INO80: variants seen among roughly 807,000 people sequenced by gnomAD.
INO80 encodes INO80 complex ATPase subunit.
In INO80, 20 loss-of-function variants were observed where a neutral mutation model predicts 203.4. That is an observed-to-expected ratio of 0.10 (90% CI 0.07 to 0.14). The LOEUF is 0.14. Among genes scored for constraint, INO80 ranks in the 10% least tolerant of loss-of-function variants. The pLI is 1.00. For synonymous variants in INO80, 726 were observed against 685.2 expected, an observed-to-expected ratio of 1.06 and a Z score of -0.93; for missense variants, 1,419 against 1,914.4, an observed-to-expected ratio of 0.74 and a Z score of 4.83.
At chr15:41,058,481 C>G (rs998905489) in intron 16 of INO80, among the ~76,000 whole-genome samples, 158 bp downstream of exon 16, 2 of 151,754 alleles carry the variant, frequency 1.3e-5, no homozygotes, top group East Asian at 1.9e-4. Flanking sequence ...GGCAGCAAAG[C>G]GAGACCTTGT....
intron 27 of INO80, among the ~76,000 whole-genome samples, chr15:41,009,724 A>G (rs2044105559): frequency 6.6e-6 from 1 of 152,020 alleles, no homozygotes; most frequent in Non-Finnish European, 1.5e-5. Context: ...AGTAGTTGGA[A>G]CTATAGGCAT....
intron 1 of INO80, among the ~76,000 whole-genome samples, chr15:41,102,220 T>C (rs1191304348): frequency 3.3e-5 from 5 of 152,080 alleles, no homozygotes; most frequent in African/African-American, 1.2e-4. Context: ...ATGTCTTATG[T>C]CACTTATTAT....
intron 23 of INO80, among the ~76,000 whole-genome samples, chr15:41,046,937 A>AT (rs112368024): frequency 0.08 from 11,080 of 139,102 alleles, 1,140 homozygotes; most frequent in African/African-American, 0.25. Flanking sequence ...AAACTGTACT[A>AT]TTTTTTTTTT....
intron 23 of INO80, among the ~76,000 whole-genome samples, chr15:41,046,223 ATATATATAT>A (rs1566926593): frequency 8.0e-5 from 1 of 12,534 alleles, no homozygotes; most frequent in Non-Finnish European, 2.4e-4. Context: ...ATATATATAT[ATATATATAT>A]ATATATATAT....
At chr15:41,072,727 G>A (rs2045342891) in intron 11 of INO80, among the ~76,000 whole-genome samples, 2 of 149,446 alleles carry the variant, frequency 1.3e-5, no homozygotes, top group African/African-American at 4.9e-5. Flanking sequence ...ATTAAATAAC[G>A]TAGCAGTTTT....
chr15:41,097,736 A>G (rs1297288560), intron 1 of INO80, among the ~76,000 whole-genome samples: 2 of 152,102 alleles, frequency 1.3e-5, no homozygotes, highest in African/African-American at 4.8e-5. Context: ...AACCTCCCAA[A>G]GTGCTACGAT....
intron 5 of INO80, among the ~76,000 whole-genome samples, chr15:41,091,759 T>C (rs1344123829): frequency 6.7e-6 from 1 of 150,200 alleles, no homozygotes; most frequent in Non-Finnish European, 1.5e-5. Context: ...GTTCGAGCAA[T>C]TCTCCTGCCT....
In INO80 at chr15:41,070,604, C is replaced by A. The variant is rs904576865; in HGVS notation, c.1606-57G>T. ...ATGCATTTCATCAAATAAAGTTCAACCTGTTACCAAAAAGAACGACCAAGA... is the reference window on the plus strand; with the variant it reads ...ATGCATTTCATCAAATAAAGTTCAAACTGTTACCAAAAAGAACGACCAAGA... On this transcript the variant is annotated intron_variant, in intron 12 of 35. Coordinates refer to ENST00000648947, the MANE Select transcript of INO80 (RefSeq NM_017553.3). 2.1e-6 allele frequency: 3 copies of A among 1,402,940 alleles called. No individual in the cohort carries two copies. In the East Asian group the frequency reaches 6.9e-5, roughly 32 times the overall value. The allele number at this position is 1,402,940 out of a possible 1,614,324, so 86.9% of individuals were successfully genotyped here. A position where few individuals can be genotyped will look rare whatever the true frequency, so the allele number is the denominator to read the frequency against.
chr15:41,044,241 A>G (rs1292384780), intron 24 of INO80, among the ~76,000 whole-genome samples: 1 of 152,230 alleles, frequency 6.6e-6, no homozygotes, highest in Admixed American at 6.5e-5. Flanking sequence ...ATCAAATAAC[A>G]TGTAGACAAA....
chr15:41,063,455 C>G (rs1287109212), intron 14 of INO80, among the ~76,000 whole-genome samples: 1 of 151,948 alleles, frequency 6.6e-6, no homozygotes, highest in African/African-American at 2.4e-5. Flanking sequence ...ATTAAAAGCA[C>G]AAATATTCCC....
intron 25 of INO80, among the ~76,000 whole-genome samples, chr15:41,026,424 G>A (rs536962285): frequency 4.0e-5 from 6 of 151,874 alleles, no homozygotes; most frequent in Admixed American, 2.0e-4. Flanking sequence ...GCGGTGGTGC[G>A]CACCTGTAGT....
intron 29 of INO80, among the ~76,000 whole-genome samples, chr15:40,996,311 T>C (rs971193781): frequency 1.3e-5 from 2 of 152,196 alleles, no homozygotes; most frequent in African/African-American, 4.8e-5. Context: ...AGCAATAATT[T>C]TGAGATTCAA....
At chr15:41,066,443 C>G (rs536448701) in intron 14 of INO80, among the ~76,000 whole-genome samples, 1 of 152,166 alleles carries the variant, frequency 6.6e-6, no homozygotes, top group East Asian at 1.9e-4. Flanking sequence ...AGGCATGACC[C>G]ACCAGGCCCA....
At chr15:40,998,744 C>T (rs918571322) in intron 28 of INO80, among the ~76,000 whole-genome samples, 1 of 152,076 alleles carries the variant, frequency 6.6e-6, no homozygotes, top group Non-Finnish European at 1.5e-5. Flanking sequence ...ACCTCCACCT[C>T]CTTGGTTCAA....
chr15:41,109,931 C>CAA (rs578187934), intron 1 of INO80, among the ~76,000 whole-genome samples: 11 of 122,754 alleles, frequency 9.0e-5, no homozygotes, highest in African/African-American at 1.8e-4. Context: ...GACTCCACCT[C>CAA]AAAAAAAAAA....
intron 1 of INO80, among the ~76,000 whole-genome samples, chr15:41,114,970 A>AT (rs1409982931): frequency 6.6e-6 from 1 of 152,200 alleles, no homozygotes; most frequent in African/African-American, 2.4e-5. Flanking sequence ...TTTAATAAAT[A>AT]TAGTTTCAGA....
chr15:41,000,706 CAAAAAA>C (rs58232890), intron 28 of INO80, among the ~76,000 whole-genome samples: 5 of 56,814 alleles, frequency 8.8e-5, no homozygotes, highest in East Asian at 5.1e-4. Flanking sequence ...CACCCTGTCT[CAAAAAA>C]AAAAAAAAAA....
chr15:41,107,337 C>T (rs1477365974), intron 1 of INO80, among the ~76,000 whole-genome samples: 1 of 152,118 alleles, frequency 6.6e-6, no homozygotes, highest in Non-Finnish European at 1.5e-5. Context: ...CCCATCTCTA[C>T]TAAAAATACA....
intron 9 of INO80, among the ~76,000 whole-genome samples, chr15:41,079,472 CTT>C (rs1323657856): frequency 6.6e-6 from 1 of 150,540 alleles, no homozygotes; most frequent in Admixed American, 6.7e-5. Context: ...AAAATTAAGT[CTT>C]TAAAAAAATT....
Sources: allele counts gnomAD v4.1 joint callset (sites outside exome capture counted in the v4.1 genomes callset), GRCh38; gene constraint gnomAD v4.1.1; transcripts MANE v1.5; gene names NCBI Gene and HGNC (gene_info 2026-07-23, HGNC 2026-07-21).